FSTL5: variants seen among roughly 807,000 people sequenced by gnomAD.
FSTL5 encodes the protein follistatin-related protein 5.
FSTL5 carries 62 observed loss-of-function variants against 89.1 expected under a neutral mutation model. The observed-to-expected ratio is 0.70, with a 90% CI of 0.57 to 0.86. FSTL5 has a LOEUF of 0.86. Among genes scored for constraint, FSTL5 ranks in the 40% least tolerant of loss-of-function variants. FSTL5 has a pLI of 0.00. For synonymous variants in FSTL5, 383 were observed against 346.2 expected (o/e 1.11, Z -1.18); for missense variants, 1,057 against 1,001.6 (o/e 1.06, Z -0.75).
chr4:162,095,063 A>C (rs961479487), intron 2 of FSTL5, among the ~76,000 whole-genome samples: 6 of 152,158 alleles, frequency 3.9e-5, no homozygotes, highest in Non-Finnish European at 8.8e-5. Context: ...TTCTTAAAAA[A>C]AGCCAGCATC....
At position 161,776,013 on chromosome 4, in the gene FSTL5, AT is replaced by A; in HGVS notation, c.470del (p.Asn157IlefsTer39). On this transcript the variant is annotated frameshift_variant, in exon 5 of 16. Transcript: ENST00000306100. LOFTEE classifies it high-confidence loss of function. ...KMKNMLLDLQ[N>X]QKYIMQENEN... ...CATTTTCTTGCATAATATATTTTTG[AT>A]TTTGTAAATCTAATAGCATATTTTT... The A allele has an allele frequency of 6.3e-7, 1 of 1,595,660 alleles. No individual in the cohort carries two copies. Among genetic ancestry groups the A allele is most frequent in the Non-Finnish European group, 8.6e-7 (1 of 1,167,006 alleles).
At chr4:161,717,994 G>GA (rs1243743313) in intron 6 of FSTL5, among the ~76,000 whole-genome samples, 4 of 152,168 alleles carry the variant, frequency 2.6e-5, no homozygotes, top group Admixed American at 2.6e-4. Flanking sequence ...GAGTCAAAAA[G>GA]AAAAAGTTAT....
intron 6 of FSTL5, among the ~76,000 whole-genome samples, chr4:161,718,697 G>T (rs1292894352): frequency 6.6e-6 from 1 of 151,964 alleles, no homozygotes; most frequent in African/African-American, 2.4e-5. Context: ...CAAAGTGCTG[G>T]GATTACAGGT....
rs1314914067 is a variant in FSTL5, at chr4:162,077,488, G to A, written c.126+33783C>T. 2.6e-5 allele frequency among the ~76,000 whole-genome samples: 4 copies of A among 151,840 alleles called. 1 individual carries two copies. Among genetic ancestry groups the A allele is most frequent in the African/African-American group, 4.8e-5 (2 of 41,366 alleles). On this transcript the variant is annotated intron_variant, in intron 2 of 15. Transcript: ENST00000306100. Reference sequence around the variant, plus strand: ...TGTAGCTATCTTACAATCATATGCTGATATTTGTTCTGCCCCATTCTTACT... The same window carrying A: ...TGTAGCTATCTTACAATCATATGCTAATATTTGTTCTGCCCCATTCTTACT...
intron 7 of FSTL5, among the ~76,000 whole-genome samples, chr4:161,605,761 GT>G (rs1243810084): frequency 6.6e-6 from 1 of 152,164 alleles, no homozygotes; most frequent in African/African-American, 2.4e-5. Flanking sequence ...CAACAGCGTT[GT>G]GAACAAATGA....
chr4:162,118,908 G>C (rs1731751454), intron 1 of FSTL5, among the ~76,000 whole-genome samples: 2 of 151,992 alleles, frequency 1.3e-5, no homozygotes, highest in African/African-American at 4.8e-5. Flanking sequence ...AGTTTAAAAA[G>C]TTAGTAGCAA....
chr4:161,766,502 G>A (rs1741003426), intron 5 of FSTL5, among the ~76,000 whole-genome samples: 1 of 152,110 alleles, frequency 6.6e-6, no homozygotes, highest in South Asian at 2.1e-4. Context: ...CAGTGAAATC[G>A]ATGGTTCCCC....
Position 161,764,693 on chromosome 4 carries a change from A to C in FSTL5, c.607-5162T>G, listed in dbSNP as rs186882257. Among the ~76,000 whole-genome samples, 62 of 152,362 alleles carry C rather than the reference A, an allele frequency of 4.1e-4. 2 individuals carry two copies. The highest frequency in any genetic ancestry group is 3.4e-3 in the Middle Eastern group (1 of 294). Reference sequence around the variant, plus strand: ...TTTTTGAAAGACCAGTTGAAGAGATATCATTATTTTCATTAAACCACTGGT... The same window carrying C: ...TTTTTGAAAGACCAGTTGAAGAGATCTCATTATTTTCATTAAACCACTGGT... On this transcript the variant is annotated intron_variant, in intron 5 of 15. Coordinates refer to ENST00000306100, the MANE Select transcript of FSTL5 (RefSeq NM_020116.5).
intron 6 of FSTL5, among the ~76,000 whole-genome samples, chr4:161,707,376 G>T (rs1453753191): frequency 1.3e-5 from 2 of 151,828 alleles, no homozygotes; most frequent in Non-Finnish European, 2.9e-5. Context: ...TTTATAAAAT[G>T]TAAAAATTAG....
intron 4 of FSTL5, among the ~76,000 whole-genome samples, chr4:161,795,245 CACA>C (rs1345921210): frequency 1.3e-5 from 2 of 151,986 alleles, no homozygotes; most frequent in African/African-American, 2.4e-5. Flanking sequence ...ATAAAGTTTT[CACA>C]ACATTACATT....
intron 4 of FSTL5, among the ~76,000 whole-genome samples, chr4:161,861,471 G>A (rs568984666): frequency 5.0e-4 from 76 of 151,926 alleles, no homozygotes; most frequent in Admixed American, 3.5e-3. Flanking sequence ...GGGAGGGAAA[G>A]AAAGGAAATG....
At chr4:162,127,953 C>A (rs7690121) in intron 1 of FSTL5, among the ~76,000 whole-genome samples, 14,719 of 152,070 alleles carry the variant, frequency 0.097, 902 homozygotes, top group African/African-American at 0.17. Context: ...AAAGACATTT[C>A]TTTTTAAAAG....
intron 6 of FSTL5, among the ~76,000 whole-genome samples, chr4:161,710,503 C>A (rs1468246295): frequency 6.6e-6 from 1 of 152,116 alleles, no homozygotes; most frequent in South Asian, 2.1e-4. Context: ...AATCTGAGTT[C>A]TTCCTTTATA....
chr4:161,595,439 TA>T (rs1423231542), intron 7 of FSTL5, among the ~76,000 whole-genome samples: 1 of 152,086 alleles, frequency 6.6e-6, no homozygotes, highest in Admixed American at 6.6e-5. Context: ...AGAGTTGCCT[TA>T]AGGCATTGAT....
intron 15 of FSTL5, among the ~76,000 whole-genome samples, chr4:161,425,911 T>C (rs2126326334): frequency 6.6e-6 from 1 of 152,048 alleles, no homozygotes; most frequent in Admixed American, 6.6e-5. Context: ...AGAGTGAGGG[T>C]AGAGCTTAAA....
chr4:162,062,369 T>G (rs1738749656), intron 2 of FSTL5, among the ~76,000 whole-genome samples: 1 of 151,904 alleles, frequency 6.6e-6, no homozygotes, highest in Non-Finnish European at 1.5e-5. Flanking sequence ...TGTTGAGAGA[T>G]TCAGGATACT....
chr4:161,783,677 CTCTT>C lies in FSTL5; in HGVS notation c.410-7607_410-7604del, dbSNP rs751181020. Among the ~76,000 whole-genome samples, 28 of 8,186 alleles carry C rather than the reference CTCTT, an allele frequency of 3.4e-3. 2 individuals are homozygous for C. The highest frequency in any genetic ancestry group is 8.2e-3 in the African/African-American group (26 of 3,176). The allele number at this position is 8,186 out of a possible 152,430, so 5.4% of individuals were successfully genotyped here. A position where few individuals can be genotyped will look rare whatever the true frequency, so the allele number is the denominator to read the frequency against. On this transcript the variant is annotated intron_variant, in intron 4 of 15. Transcript: ENST00000306100. ...TTTCTTTCTTTCTCTTTCTTTCTTT[CTCTT>C]TCTTTCTTTCTTTCTTTCTTTCTTT...
intron 3 of FSTL5, among the ~76,000 whole-genome samples, chr4:161,989,408 A>G (rs1299956005): frequency 6.6e-6 from 1 of 152,138 alleles, no homozygotes; most frequent in Admixed American, 6.6e-5. Context: ...ATGTCTTAGT[A>G]CTTTCAATCA....
intron 10 of FSTL5, among the ~76,000 whole-genome samples, chr4:161,535,217 A>C (rs1731559961): frequency 1.3e-5 from 2 of 152,082 alleles, no homozygotes; most frequent in African/African-American, 4.8e-5. Flanking sequence ...AATAATTGAC[A>C]AGAGTGCCTA....
Sources: allele counts gnomAD v4.1 joint callset (sites outside exome capture counted in the v4.1 genomes callset), GRCh38; gene constraint gnomAD v4.1.1; transcripts MANE v1.5; gene names NCBI Gene and HGNC (gene_info 2026-07-23, HGNC 2026-07-21).